PAG1: variants seen among roughly 807,000 people sequenced by gnomAD.
The protein encoded by PAG1 is phosphoprotein membrane anchor with glycosphingolipid microdomains 1, also known as phosphoprotein associated with glycosphingolipid-enriched microdomains 1.
In PAG1, 23 loss-of-function variants were observed where a neutral mutation model predicts 31.7. The observed-to-expected ratio is 0.73, with a 90% confidence interval of 0.52 to 1.03. The LOEUF (loss-of-function observed/expected upper bound fraction) is 1.03. Among genes scored for constraint, PAG1 ranks in the 50% least tolerant of loss-of-function variants. PAG1 has a pLI of 0.00. For synonymous variants in PAG1, 214 were observed against 210.3 expected, an observed-to-expected ratio of 1.02 and a Z score of -0.15; for missense variants, 473 against 540.7, an observed-to-expected ratio of 0.87 and a Z score of 1.24.
intron 3 of PAG1, among the ~76,000 whole-genome samples, chr8:81,028,591 T>C (rs896860260): frequency 1.5e-4 from 23 of 152,250 alleles, no homozygotes. Flanking sequence ...CATAATGCAA[T>C]GTGAAGAAAA....
intron 2 of PAG1, among the ~76,000 whole-genome samples, chr8:81,046,449 C>T (rs1808643033): frequency 6.6e-6 from 1 of 152,146 alleles, no homozygotes; most frequent in Non-Finnish European, 1.5e-5. Context: ...TGTGCCCTTT[C>T]CCCCTTCTCT....
At chr8:81,067,680 CA>C (rs1325268246) in intron 2 of PAG1, 2 of 152,240 alleles carry the variant, frequency 1.3e-5, no homozygotes, top group African/African-American at 4.8e-5. Flanking sequence ...ACCATTTTCA[CA>C]GTGGAGACAG....
intron 3 of PAG1, among the ~76,000 whole-genome samples, chr8:81,012,811 T>C (rs1808007379): frequency 6.6e-6 from 1 of 152,228 alleles, no homozygotes; most frequent in Non-Finnish European, 1.5e-5. Flanking sequence ...GACATTGTAT[T>C]GTGTGATGCA....
intron 2 of PAG1, among the ~76,000 whole-genome samples, chr8:81,068,425 T>G (rs1316122940): frequency 2.0e-5 from 3 of 152,224 alleles, no homozygotes; most frequent in African/African-American, 7.2e-5. Flanking sequence ...TTCAAAAGAA[T>G]GTAGCCACCA....
At chr8:80,978,099 A>C (rs1194217979) in intron 8 of PAG1, among the ~76,000 whole-genome samples, 1 of 152,126 alleles carries the variant, frequency 6.6e-6, no homozygotes, top group Non-Finnish European at 1.5e-5. Flanking sequence ...TTCTTAAGAC[A>C]GGCCTGCCAC....
At chr8:80,978,277 C>T (rs1807224687) in intron 8 of PAG1, among the ~76,000 whole-genome samples, 1 of 152,246 alleles carries the variant, frequency 6.6e-6, no homozygotes, top group South Asian at 2.1e-4. Context: ...TTAACATTCT[C>T]ACCTTAGAGG....
At chr8:81,051,127 A>G (rs1171525419) in intron 2 of PAG1, among the ~76,000 whole-genome samples, 3 of 152,192 alleles carry the variant, frequency 2.0e-5, no homozygotes, top group Non-Finnish European at 4.4e-5. Flanking sequence ...TCTGATACTG[A>G]GTGCTGGGCT....
At chr8:81,036,688 C>T (rs564068946) in intron 2 of PAG1, among the ~76,000 whole-genome samples, 61 of 152,328 alleles carry the variant, frequency 4.0e-4, no homozygotes, top group Non-Finnish European at 6.0e-4. Flanking sequence ...TTCTTGTTTT[C>T]ATCAGCCGCT....
At chr8:81,094,154 C>T (rs963242875) in intron 1 of PAG1, among the ~76,000 whole-genome samples, 1 of 152,124 alleles carries the variant, frequency 6.6e-6, no homozygotes, top group Non-Finnish European at 1.5e-5. Flanking sequence ...CATCTTCTTC[C>T]TCTCTACCTA....
intron 3 of PAG1, among the ~76,000 whole-genome samples, chr8:81,018,685 G>C (rs1808112178): frequency 6.6e-6 from 1 of 152,136 alleles, no homozygotes; most frequent in Non-Finnish European, 1.5e-5. Context: ...CTTCTTCTTT[G>C]CCTTACACCA....
intron 3 of PAG1, among the ~76,000 whole-genome samples, chr8:81,004,967 T>TCC (rs1355808733): frequency 6.6e-6 from 1 of 152,114 alleles, no homozygotes; most frequent in Non-Finnish European, 1.5e-5. Flanking sequence ...AGAGCCTACC[T>TCC]CCCCCACTTT....
chr8:81,107,768 C>A (rs564636198), intron 1 of PAG1, among the ~76,000 whole-genome samples: 2 of 152,366 alleles, frequency 1.3e-5, no homozygotes, highest in Non-Finnish European at 2.9e-5. Flanking sequence ...TTAACCCCTG[C>A]CCTTGAACTC....
chr8:81,043,151 C>G (rs1036027121), intron 2 of PAG1, among the ~76,000 whole-genome samples: 2 of 152,068 alleles, frequency 1.3e-5, no homozygotes, highest in African/African-American at 4.8e-5. Flanking sequence ...CTACTTTCCC[C>G]TCTTTACCAC....
At chr8:80,998,593 G>GA (rs1377212864) in intron 3 of PAG1, among the ~76,000 whole-genome samples, 1,029 of 46,542 alleles carry the variant, frequency 0.022, 13 homozygotes, top group African/African-American at 0.07. Flanking sequence ...ATTCCAACAG[G>GA]AGAAAAAAAA....
chr8:81,064,677 C>T (rs1004335918), intron 2 of PAG1, among the ~76,000 whole-genome samples: 1 of 150,922 alleles, frequency 6.6e-6, no homozygotes, highest in Non-Finnish European at 1.5e-5. Context: ...TCATGTCAGG[C>T]ACCTCGGGTT....
intron 3 of PAG1, among the ~76,000 whole-genome samples, chr8:81,023,347 A>C (rs969400498): frequency 6.6e-6 from 1 of 152,198 alleles, no homozygotes; most frequent in Non-Finnish European, 1.5e-5. Flanking sequence ...GGGACCAATT[A>C]TATAAATTTC....
At chr8:81,062,024 AT>A (rs1209101409) in intron 2 of PAG1, among the ~76,000 whole-genome samples, 1 of 152,200 alleles carries the variant, frequency 6.6e-6, no homozygotes, top group Non-Finnish European at 1.5e-5. Flanking sequence ...AATACTACAT[AT>A]TTATTATATT....
chr8:81,051,132 T>C (rs1461565177), intron 2 of PAG1, among the ~76,000 whole-genome samples: 1 of 152,250 alleles, frequency 6.6e-6, no homozygotes, highest in African/African-American at 2.4e-5. Flanking sequence ...TACTGAGTGC[T>C]GGGCTGGATG....
intron 3 of PAG1, among the ~76,000 whole-genome samples, chr8:81,007,830 C>A (rs141360662): frequency 7.6e-4 from 116 of 152,116 alleles, no homozygotes; most frequent in African/African-American, 2.7e-3. Context: ...ACTAAATAGC[C>A]GTGGCAGTGG....
Sources: allele counts gnomAD v4.1 joint callset (sites outside exome capture counted in the v4.1 genomes callset), GRCh38; gene constraint gnomAD v4.1.1; transcripts MANE v1.5; gene names NCBI Gene and HGNC (gene_info 2026-07-23, HGNC 2026-07-21).